Variants in MAP2K4 observed in about 807,000 individuals in gnomAD.
The protein encoded by MAP2K4 is mitogen-activated protein kinase kinase 4.
In MAP2K4, 4 loss-of-function variants were observed where a neutral mutation model predicts 48.5. The observed-to-expected ratio is 0.08, with a 90% CI of 0.04 to 0.19. The LOEUF (loss-of-function observed/expected upper bound fraction) is 0.19, where lower values mean the gene tolerates loss of function less well. MAP2K4 is among the 10% of genes least tolerant of loss of function. The probability of loss-of-function intolerance (pLI) is 1.00; values close to 1 mark genes in which losing one functional copy is unlikely to be tolerated. For missense variants in MAP2K4, 258 were observed against 493.3 expected, an observed-to-expected ratio of 0.52 and a Z score of 4.52; for synonymous variants, 166 against 173.1, an observed-to-expected ratio of 0.96 and a Z score of 0.32.
chr17:12,091,334 A>G (rs552183596), intron 3 of MAP2K4, among the ~76,000 whole-genome samples: 18 of 152,304 alleles, frequency 1.2e-4, no homozygotes, highest in East Asian at 5.8e-4. Flanking sequence ...ACATTTCTAT[A>G]TGATTGGGAC....
At chr17:12,130,525 G>A (rs1413296097) in intron 9 of MAP2K4, among the ~76,000 whole-genome samples, 1 of 152,144 alleles carries the variant, frequency 6.6e-6, no homozygotes, top group Non-Finnish European at 1.5e-5. Context: ...CCTTCCATCA[G>A]GGTTTCTTTT....
chr17:12,087,028 G>T (rs188091582), intron 3 of MAP2K4, among the ~76,000 whole-genome samples: 205 of 152,058 alleles, frequency 1.3e-3, no homozygotes, highest in African/African-American at 4.7e-3. Flanking sequence ...TGTATTATTA[G>T]TAGAGGCGGG....
chr17:12,109,139 T>A (rs1417459942), intron 5 of MAP2K4, among the ~76,000 whole-genome samples: 3 of 152,166 alleles, frequency 2.0e-5, no homozygotes, highest in Admixed American at 6.5e-5. Context: ...GATTAAATAA[T>A]TAATATGCTT....
intron 4 of MAP2K4, among the ~76,000 whole-genome samples, chr17:12,098,974 G>T (rs1412260724): frequency 2.0e-5 from 3 of 151,994 alleles, no homozygotes; most frequent in Non-Finnish European, 4.4e-5. Context: ...GGTACAGTTT[G>T]TGTTTTTAGT....
intron 2 of MAP2K4, among the ~76,000 whole-genome samples, chr17:12,079,627 A>C (rs1021849722): frequency 2.0e-5 from 3 of 152,204 alleles, no homozygotes; most frequent in African/African-American, 4.8e-5. Context: ...ATTTACAAGT[A>C]ATTTTAATTA....
At chr17:12,095,516 A>T in intron 3 of MAP2K4, 59 bp from the exon 4 acceptor site, 1 of 1,603,062 alleles carries the variant, frequency 6.2e-7, no homozygotes, top group South Asian at 1.1e-5. Context: ...ACTAAAAATT[A>T]TTGGTGTTTT....
intron 3 of MAP2K4, among the ~76,000 whole-genome samples, chr17:12,093,780 C>T (rs1398045787): frequency 6.6e-6 from 1 of 152,036 alleles, no homozygotes; most frequent in African/African-American, 2.4e-5. Flanking sequence ...AACAACTCTT[C>T]GTCTGTTTTA....
intron 7 of MAP2K4, among the ~76,000 whole-genome samples, chr17:12,114,956 A>G (rs1438132233): frequency 6.6e-6 from 1 of 152,216 alleles, no homozygotes; most frequent in Non-Finnish European, 1.5e-5. Context: ...ACTGGACCAG[A>G]TGAAATTCTT....
chr17:12,103,988 A>C (rs1344999071), intron 4 of MAP2K4, among the ~76,000 whole-genome samples: 1 of 152,132 alleles, frequency 6.6e-6, no homozygotes, highest in African/African-American at 2.4e-5. Flanking sequence ...ATTGTTTTGC[A>C]TGTCTCTTTG....
intron 1 of MAP2K4, among the ~76,000 whole-genome samples, chr17:12,023,869 G>T (rs1241888584): frequency 6.6e-6 from 1 of 152,106 alleles, no homozygotes; most frequent in African/African-American, 2.4e-5. Context: ...TTACCTCCCC[G>T]GTGGCTTTGA....
At chr17:12,055,503 A>G (rs1203540576) in intron 2 of MAP2K4, among the ~76,000 whole-genome samples, 1 of 152,122 alleles carries the variant, frequency 6.6e-6, no homozygotes, top group Non-Finnish European at 1.5e-5. Context: ...CTATCATGAA[A>G]ATGAAGGCCA....
chr17:12,041,094 C>T (rs1969764730), intron 1 of MAP2K4, among the ~76,000 whole-genome samples: 2 of 152,202 alleles, frequency 1.3e-5, no homozygotes, highest in Admixed American at 1.3e-4. Flanking sequence ...CATTCACGCT[C>T]TTGATTATTC....
intron 9 of MAP2K4, among the ~76,000 whole-genome samples, chr17:12,129,934 A>G (rs779767671): frequency 6.6e-6 from 1 of 152,196 alleles, no homozygotes; most frequent in East Asian, 1.9e-4. Context: ...ATCATGCTTT[A>G]TACTGTTTTA....
chr17:12,043,222 A>G (rs1359669532), intron 1 of MAP2K4, among the ~76,000 whole-genome samples: 1 of 152,178 alleles, frequency 6.6e-6, no homozygotes, highest in South Asian at 2.1e-4. Context: ...TTCACTTGGA[A>G]TTTGTTTTAC....
At chr17:12,022,026 C>T (rs1969091655) in intron 1 of MAP2K4, among the ~76,000 whole-genome samples, 1 of 152,196 alleles carries the variant, frequency 6.6e-6, no homozygotes, top group African/African-American at 2.4e-5. Flanking sequence ...CTCTTGACAA[C>T]TTTAGCAAAC....
chr17:12,093,797 G>A (rs1971641521), intron 3 of MAP2K4, among the ~76,000 whole-genome samples: 1 of 152,008 alleles, frequency 6.6e-6, no homozygotes, highest in South Asian at 2.1e-4. Context: ...TTTAAATTTA[G>A]ATATATAGGA....
chr17:12,119,091 A>G (rs1972591538), intron 7 of MAP2K4, among the ~76,000 whole-genome samples: 1 of 152,228 alleles, frequency 6.6e-6, no homozygotes, highest in African/African-American at 2.4e-5. Flanking sequence ...ATGGTTCTGA[A>G]TCAAGGTAAA....
At chr17:12,044,582 CA>C (rs1284703340) in intron 1 of MAP2K4, among the ~76,000 whole-genome samples, 4 of 152,194 alleles carry the variant, frequency 2.6e-5, no homozygotes, top group African/African-American at 9.7e-5. Context: ...TCACACCATA[CA>C]ACAATCAACA....
intron 1 of MAP2K4, among the ~76,000 whole-genome samples, chr17:12,049,795 AT>A (rs1178162922): frequency 6.6e-6 from 1 of 152,176 alleles, no homozygotes; most frequent in Non-Finnish European, 1.5e-5. Context: ...GACCTCACCT[AT>A]TTATGGAAGG....
Sources: allele counts gnomAD v4.1 joint callset (sites outside exome capture counted in the v4.1 genomes callset), GRCh38; gene constraint gnomAD v4.1.1; transcripts MANE v1.5; gene names NCBI Gene and HGNC (gene_info 2026-07-23, HGNC 2026-07-21).